Variants in FAM186A observed in about 807,000 individuals in gnomAD.
The protein encoded by FAM186A is protein FAM186A.
A neutral mutation model predicts 216.8 loss-of-function variants in FAM186A; 163 were observed. The observed-to-expected ratio is 0.75, with a 90% CI of 0.66 to 0.86. The LOEUF (loss-of-function observed/expected upper bound fraction) is 0.86, where lower values mean the gene tolerates loss of function less well. Ranked by LOEUF, FAM186A falls within the 40% of genes least tolerant of loss-of-function variation. The pLI is 0.00. For missense variants in FAM186A, 2,184 were observed against 2,746.2 expected, an observed-to-expected ratio of 0.80 and a Z score of 4.58; for synonymous variants, 805 against 1,025.3, an observed-to-expected ratio of 0.79 and a Z score of 4.10.
At chr12:50,359,205 C>G (rs1442410001) in intron 3 of FAM186A, among the ~76,000 whole-genome samples, 1 of 151,778 alleles carries the variant, frequency 6.6e-6, no homozygotes, top group Admixed American at 6.6e-5. Flanking sequence ...TTGAGACCAG[C>G]CTGACCAACA....
intron 1 of FAM186A, among the ~76,000 whole-genome samples, chr12:50,368,523 G>A (rs1344938602): frequency 6.6e-6 from 1 of 152,038 alleles, no homozygotes; most frequent in Non-Finnish European, 1.5e-5. Flanking sequence ...GAAAACACAA[G>A]TAAATGGAAA....
chr12:50,369,850 C>T (rs535433692), intron 1 of FAM186A, among the ~76,000 whole-genome samples: 17 of 151,886 alleles, frequency 1.1e-4, no homozygotes, highest in Middle Eastern at 3.4e-3. Context: ...TTAGGCCGGG[C>T]GCGGTGGCTC....
At chr12:50,342,772 C>CTT (rs34822411) in intron 4 of FAM186A, among the ~76,000 whole-genome samples, 62 of 144,482 alleles carry the variant, frequency 4.3e-4, no homozygotes, top group Non-Finnish European at 5.3e-4. Context: ...CGCTCCCGAC[C>CTT]TTTTTTTTTT....
rs367586420 is a variant in FAM186A, at chr12:50,351,346, C to T, written c.5486G>A (p.Arg1829Gln). 26 of 1,488,326 alleles carry T rather than the reference C, an allele frequency of 1.7e-5. No homozygotes were observed. The highest frequency in any genetic ancestry group is 1.5e-4 in the East Asian group (6 of 40,600). The allele number at this position is 1,488,326 out of a possible 1,614,324, so 92.2% of individuals were successfully genotyped here. Residue 1829 changes from arginine (R) to glutamine (Q), a missense_variant, in exon 4 of 8, where the codon CGG (arginine) becomes CAG (glutamine). Arg to Gln is a conservative substitution (Grantham distance 43). Around this residue, in one of 7 missense-constraint regions of FAM186A, gnomAD observed 721 missense variants for 816.4 expected, o/e 0.88. Coordinates refer to ENST00000327337, the MANE Select transcript of FAM186A (RefSeq NM_001145475.3). ...GGGCTGCCCTGGAGTGGGAGGGGCC[C>T]GAGATATTGGGAGCTGCCCAGGGGA... ...PPSPGQLPIS[R>Q]APPTPGQPFI...
chr12:50,341,638 C>T (rs1349038699), intron 4 of FAM186A, among the ~76,000 whole-genome samples: 7 of 152,062 alleles, frequency 4.6e-5, no homozygotes, highest in Non-Finnish European at 8.8e-5. Context: ...AGTTCGAGAC[C>T]AACCTGGCCA....
intron 4 of FAM186A, among the ~76,000 whole-genome samples, chr12:50,335,550 A>G (rs1942699227): frequency 6.6e-6 from 1 of 151,990 alleles, no homozygotes; most frequent in South Asian, 2.1e-4. Flanking sequence ...AGGCTGAGGC[A>G]GAAGAATCAC....
Position 50,354,905 on chromosome 12 carries a change from G to T in FAM186A, c.1927C>A (p.Leu643Ile). The change falls in exon 4 of 8, where the codon CTC becomes ATC. Residue 643 changes from leucine to isoleucine, a missense_variant. Transcript: ENST00000327337. ...GAAGTCTCTTTAGCCACTCTTGAGA[G>T]TGATTTAACAAGTTGATGAGACTTG... ...QVKSHQLVKS[L>I]SRVAKETSES... The T allele has an allele frequency of 6.4e-7, 1 of 1,550,676 alleles. No individual in the cohort carries two copies.
rs771271473 is a variant in FAM186A at position 50,355,522 on chromosome 12, T to A, written c.1310A>T (p.Asp437Val). The A allele has an allele frequency of 3.0e-5, 46 of 1,551,340 alleles. No homozygotes were observed. Among genetic ancestry groups the A allele is most frequent in the Non-Finnish European group, 3.9e-5 (45 of 1,146,966 alleles). The change falls in exon 4 of 8, where the codon GAT (aspartate) becomes GTT (valine). Residue 437 changes from aspartate to valine, a missense_variant. Physicochemically the swap from Asp to Val is radical, Grantham distance 152. Transcript: ENST00000327337. ...ATCACCTTTCTTCAATGATACGTTA[T>A]CTTTAGTGCTGTCTTCGGAAATATC... ...SEDISEDSTK[D>V]NVSLKKGDFY...
rs1190719061 is a variant in FAM186A, at chr12:50,353,495, G to A, written c.3337C>T (p.Pro1113Ser). The part of the protein sequence containing the change: ...QAQELGIPLT[P>S]QQAQALEILF... The stretch of plus-strand genomic sequence containing the variant: ...ATCTCCAGGGCCTGGGCCTGCTGAG[G>A]GGTGAGAGGGATCCCTAGTTCCTGG... The change falls in exon 4 of 8, where the codon CCT (proline) becomes TCT (serine). Residue 1113 changes from proline to serine, a missense_variant. Physicochemically the swap from Pro to Ser is moderately conservative, Grantham distance 74. Coordinates refer to ENST00000327337, the MANE Select transcript of FAM186A (RefSeq NM_001145475.3). The A allele has an allele frequency of 1.9e-6, 3 of 1,540,310 alleles. No homozygotes were observed. Among genetic ancestry groups the A allele is most frequent in the Non-Finnish European group, 2.6e-6 (3 of 1,141,354 alleles).
intron 4 of FAM186A, among the ~76,000 whole-genome samples, chr12:50,346,237 A>AAAGAAAGAAAGAAAGCAAGAAAG (rs1383898895): frequency 9.8e-6 from 1 of 102,184 alleles, no homozygotes; most frequent in African/African-American, 3.4e-5. Flanking sequence ...AAGAAAGAAA[A>AAAGAAAGAAAGAAAGCAAGAAAG]AAAGAAAGAA....
chr12:50,335,146 A>G (rs1164706548), intron 4 of FAM186A, among the ~76,000 whole-genome samples: 1 of 151,982 alleles, frequency 6.6e-6, no homozygotes, highest in Non-Finnish European at 1.5e-5. Flanking sequence ...AGACACAGCC[A>G]CTCAGGAGGC....
At chr12:50,378,625 T>C (rs1943224358) in intron 1 of FAM186A, among the ~76,000 whole-genome samples, 2 of 114,298 alleles carry the variant, frequency 1.7e-5, no homozygotes, top group African/African-American at 7.5e-5. Flanking sequence ...ATTGTATATA[T>C]ATATATATAC....
chr12:50,329,650 TGCAGTG>T (rs917556825), intron 7 of FAM186A, among the ~76,000 whole-genome samples: 2 of 151,262 alleles, frequency 1.3e-5, no homozygotes, highest in Non-Finnish European at 2.9e-5. Flanking sequence ...CAGGCTGGAG[TGCAGTG>T]GCACAATCTG....
intron 4 of FAM186A, among the ~76,000 whole-genome samples, chr12:50,346,201 A>AAGAGAGAGAGAGAGAG (rs71083536): frequency 2.6e-5 from 2 of 76,700 alleles, no homozygotes; most frequent in African/African-American, 4.3e-5. Flanking sequence ...GAAAGAAAGA[A>AAGAGAGAGAGAGAGAG]AGAGAGAGAG....
At position 50,356,035 on chromosome 12, in the gene FAM186A, A is replaced by G; in HGVS notation, c.797T>C (p.Val266Ala). The G allele has an allele frequency of 6.4e-7, 1 of 1,551,614 alleles. No homozygotes were observed. Among genetic ancestry groups the G allele is most frequent in the Non-Finnish European group, 8.7e-7 (1 of 1,146,964 alleles). The change falls in exon 4 of 8, where the codon GTA (valine) becomes GCA (alanine). Residue 266 changes from valine (V) to alanine (A), a missense_variant. By Grantham distance (64) the Val-to-Ala change is moderately conservative. This residue lies in a region of FAM186A where 1,132 missense variants were observed against 1,263.4 expected (regional missense o/e 0.90). Transcript: ENST00000327337. ...CATACTCAAAGCTGTAGAAAGGTTT[A>G]CTATTGTTGATGATATATATTTAAT... is the stretch of plus-strand genomic sequence containing the variant. ...NAIKYISSTI[V>A]NLSTALSMLN...
intron 1 of FAM186A, among the ~76,000 whole-genome samples, chr12:50,385,774 C>T (rs961638338): frequency 4.0e-5 from 6 of 151,752 alleles, no homozygotes; most frequent in Admixed American, 6.6e-5. Flanking sequence ...TGGTGGCAGG[C>T]GCCTGTAGTC....
At chr12:50,347,162 G>T (rs1942828382) in intron 4 of FAM186A, among the ~76,000 whole-genome samples, 1 of 152,078 alleles carries the variant, frequency 6.6e-6, no homozygotes, top group Non-Finnish European at 1.5e-5. Context: ...TCATGGCTTG[G>T]CAGGGAGTGA....
At position 50,330,701 on chromosome 12, in the gene FAM186A, G is replaced by T; in HGVS notation, c.6906C>A (p.Tyr2302Ter). The change falls in exon 7 of 8, where the codon TAC becomes TAA. Residue 2302 changes from tyrosine (Y) to a stop codon, truncating the protein, a stop_gained. Coordinates refer to ENST00000327337, the MANE Select transcript of FAM186A (RefSeq NM_001145475.3). LOFTEE classifies it high-confidence loss of function. ...GCATAGATGTCTTCTCTGCTATTGGGTAGCTTGAAGTGGACAGATCAACAT... is the reference window on the plus strand; with the variant it reads ...GCATAGATGTCTTCTCTGCTATTGGTTAGCTTGAAGTGGACAGATCAACAT... The part of the protein sequence containing the change: ...IWNVDLSTSS[Y>*]PIAEKTSMHS... The T allele has an allele frequency of 1.9e-6, 3 of 1,546,084 alleles. No individual in the cohort carries two copies. Among genetic ancestry groups the T allele is most frequent in the Non-Finnish European group, 2.6e-6 (3 of 1,144,912 alleles).
At chr12:50,388,619 CAAAAA>C (rs1260633038) in intron 1 of FAM186A, among the ~76,000 whole-genome samples, 1 of 92,710 alleles carries the variant, frequency 1.1e-5, no homozygotes. Context: ...AACTCCGTCT[CAAAAA>C]AAAAAAAAAA....
Sources: allele counts gnomAD v4.1 joint callset (sites outside exome capture counted in the v4.1 genomes callset), GRCh38; gene constraint gnomAD v4.1.1; regional missense constraint gnomAD v4.1.1; transcripts MANE v1.5; gene names NCBI Gene and HGNC (gene_info 2026-07-23, HGNC 2026-07-21).